RGS6: variants seen among roughly 807,000 people sequenced by gnomAD.
RGS6 encodes regulator of G protein signaling 6.
In RGS6, 30 loss-of-function variants were observed where a neutral mutation model predicts 78.5. That is an observed-to-expected ratio of 0.38 (90% CI 0.29 to 0.52). RGS6 has a LOEUF of 0.52. RGS6 is among the 20% of genes least tolerant of loss of function. RGS6 has a pLI of 0.85. For synonymous variants in RGS6, 206 were observed against 206.0 expected (o/e 1.00, Z 0.00); for missense variants, 495 against 609.7 (o/e 0.81, Z 1.98).
chr14:72,358,590 AG>A (rs1330358590), intron 3 of RGS6, among the ~76,000 whole-genome samples: 1 of 152,254 alleles, frequency 6.6e-6, no homozygotes, highest in Non-Finnish European at 1.5e-5. Flanking sequence ...TGGGGCCTGT[AG>A]CCCCTTTGTT....
chr14:72,354,984 T>A (rs919990409), intron 3 of RGS6, among the ~76,000 whole-genome samples: 9 of 152,074 alleles, frequency 5.9e-5, no homozygotes, highest in Non-Finnish European at 1.2e-4. Context: ...ATGTTTAAGA[T>A]GTTTGTATCT....
chr14:72,617,366 G>A, the RGS6 span, among the ~76,000 whole-genome samples: 2 of 152,144 alleles, frequency 1.3e-5, no homozygotes, highest in Non-Finnish European at 2.9e-5. Context: ...GGTTTTGTGG[G>A]AAGAGAGAGA....
the RGS6 span, among the ~76,000 whole-genome samples, chr14:72,613,148 A>G: frequency 1.4e-4 from 22 of 152,140 alleles, no homozygotes; most frequent in African/African-American, 5.3e-4. Context: ...AGCAAATGGG[A>G]TGCAGTGAGT....
At chr14:72,027,172 G>A (rs1235672915) in intron 2 of RGS6, among the ~76,000 whole-genome samples, 4 of 152,002 alleles carry the variant, frequency 2.6e-5, no homozygotes, top group Admixed American at 6.6e-5. Flanking sequence ...CAAGTCCAAC[G>A]GGGAGGCAGG....
At chr14:72,414,575 C>T (rs1425672607) in intron 3 of RGS6, among the ~76,000 whole-genome samples, 1 of 152,244 alleles carries the variant, frequency 6.6e-6, no homozygotes, top group African/African-American at 2.4e-5. Context: ...CAAAGTCATT[C>T]TCCGTCCAGC....
intron 2 of RGS6, among the ~76,000 whole-genome samples, chr14:72,308,890 A>G (rs2067888364): frequency 6.6e-6 from 1 of 152,194 alleles, no homozygotes; most frequent in Admixed American, 6.5e-5. Context: ...ATGAAATGAT[A>G]TGAATCATCA....
intron 2 of RGS6, among the ~76,000 whole-genome samples, chr14:72,163,677 G>A (rs550006650): frequency 2.5e-4 from 38 of 152,300 alleles, no homozygotes; most frequent in Admixed American, 1.4e-3. Context: ...GAGGTCAGGC[G>A]TTCGAGACCA....
At chr14:72,289,363 C>T (rs886355920) in intron 2 of RGS6, among the ~76,000 whole-genome samples, 14 of 151,904 alleles carry the variant, frequency 9.2e-5, no homozygotes, top group African/African-American at 3.4e-4. Context: ...CTCTCTCCCC[C>T]TCCCCGTTTT....
At position 72,554,806 on chromosome 14, in the gene RGS6, A is replaced by G. The variant is rs560829348; in HGVS notation, c.1423-7611A>G. Among the ~76,000 whole-genome samples, 716 of 152,350 alleles carry G rather than the reference A, an allele frequency of 4.7e-3. 1 individual carries two copies. The highest frequency in any genetic ancestry group is 7.8e-3 in the Non-Finnish European group (530 of 68,028). On this transcript the variant is annotated intron_variant, in intron 17 of 17. Transcript: ENST00000553525. ...CCACCACACAGGGATGCAGAGTAGC[A>G]GGGAAAATGGAGATGCACAACTTGG... is the stretch of plus-strand genomic sequence containing the variant.
chr14:71,912,731 C>G, the RGS6 span, among the ~76,000 whole-genome samples: 1 of 152,342 alleles, frequency 6.6e-6, no homozygotes, highest in African/African-American at 2.4e-5. Context: ...TCTAAACATT[C>G]TTTCCTGATA....
chr14:72,178,445 C>T (rs1377580038), intron 2 of RGS6, among the ~76,000 whole-genome samples: 1 of 152,224 alleles, frequency 6.6e-6, no homozygotes, highest in Non-Finnish European at 1.5e-5. Flanking sequence ...TCTAGGCCTC[C>T]TTGAGTTCCA....
At chr14:72,248,637 C>T (rs1484055710) in intron 2 of RGS6, among the ~76,000 whole-genome samples, 1 of 152,158 alleles carries the variant, frequency 6.6e-6, no homozygotes, top group African/African-American at 2.4e-5. Flanking sequence ...TGGTTACTTA[C>T]CTCCAAATCA....
intron 12 of RGS6, among the ~76,000 whole-genome samples, chr14:72,479,805 C>G (rs980199645): frequency 6.6e-6 from 1 of 152,156 alleles, no homozygotes; most frequent in Non-Finnish European, 1.5e-5. Context: ...GCAGCATGGC[C>G]TCAACTCTCT....
chr14:72,363,396 A>T (rs150895145), intron 3 of RGS6, among the ~76,000 whole-genome samples: 1,760 of 152,352 alleles, frequency 0.012, 30 homozygotes, highest in African/African-American at 0.04. Context: ...GCATCATTAA[A>T]TACTTATAAA....
chr14:72,271,506 A>G (rs76790954), intron 2 of RGS6, among the ~76,000 whole-genome samples: 4 of 152,220 alleles, frequency 2.6e-5, no homozygotes, highest in African/African-American at 2.4e-5. Context: ...CAGCCAAACC[A>G]TATCAACCAC....
intron 2 of RGS6, among the ~76,000 whole-genome samples, chr14:72,059,299 A>G (rs1487104211): frequency 2.6e-5 from 4 of 152,184 alleles, no homozygotes; most frequent in African/African-American, 9.7e-5. Flanking sequence ...GAAGTCTTGT[A>G]TGTGTATATC....
At chr14:72,494,180 G>A (rs1160921315) in intron 12 of RGS6, among the ~76,000 whole-genome samples, 1 of 152,214 alleles carries the variant, frequency 6.6e-6, no homozygotes, top group East Asian at 1.9e-4. Flanking sequence ...TGTTTTACAG[G>A]TTTGTTAAAA....
the RGS6 span, among the ~76,000 whole-genome samples, chr14:71,878,101 G>A: frequency 1.3e-5 from 2 of 152,174 alleles, no homozygotes; most frequent in Non-Finnish European, 2.9e-5. Flanking sequence ...ACTGGGAGGT[G>A]CCTCCCAGTT....
chr14:72,196,897 C>A (rs751599986), intron 2 of RGS6, among the ~76,000 whole-genome samples: 2 of 152,182 alleles, frequency 1.3e-5, no homozygotes, highest in Non-Finnish European at 2.9e-5. Context: ...CTGAGTTGGG[C>A]AAATGTTTTT....
Sources: gnomAD v4.1 joint callset for allele counts (sites outside exome capture counted in the v4.1 genomes callset) on GRCh38, gnomAD v4.1.1 for gene constraint, MANE v1.5 for transcripts, NCBI Gene and HGNC (gene_info 2026-07-23, HGNC 2026-07-21) for gene names.